The following STX8 variants were observed in gnomAD, a reference collection of about 807,000 sequenced individuals.
STX8 encodes the protein syntaxin-8.
A neutral mutation model predicts 37.5 loss-of-function variants in STX8; 23 were observed. That is an observed-to-expected ratio of 0.61 (90% CI 0.44 to 0.87). STX8 has a LOEUF of 0.87. STX8 is among the 40% of genes least tolerant of loss of function. STX8 has a pLI of 0.00. For missense variants in STX8, 313 were observed against 284.7 expected, an observed-to-expected ratio of 1.10 and a Z score of -0.71; for synonymous variants, 115 against 99.1, an observed-to-expected ratio of 1.16 and a Z score of -0.95.
chr17:9,560,924 A>C (rs1907209156), intron 2 of STX8, among the ~76,000 whole-genome samples: 2 of 152,200 alleles, frequency 1.3e-5, no homozygotes, highest in Admixed American at 6.5e-5. Context: ...AGTGCAACAT[A>C]ACAAATGGCC....
chr17:9,412,437 A>G (rs1283205835), intron 6 of STX8, among the ~76,000 whole-genome samples: 6 of 152,010 alleles, frequency 3.9e-5, no homozygotes, highest in African/African-American at 1.4e-4. Context: ...GCACCACCAC[A>G]CCCAGCTAAT....
chr17:9,309,675 T>G (rs778947040), intron 7 of STX8, among the ~76,000 whole-genome samples: 4 of 152,160 alleles, frequency 2.6e-5, no homozygotes, highest in Non-Finnish European at 5.9e-5. Flanking sequence ...TTTTAAACAG[T>G]GAGTTCTGTA....
At chr17:9,475,921 C>T (rs1457448568) in intron 6 of STX8, among the ~76,000 whole-genome samples, 3 of 152,236 alleles carry the variant, frequency 2.0e-5, no homozygotes, top group African/African-American at 7.2e-5. Context: ...TGGCTCACGC[C>T]TGTCATCCCA....
Position 9,271,765 on chromosome 17 carries a change from A to AG in STX8, c.644-21121_644-21120insC, listed in dbSNP as rs1488705768. On this transcript the variant is annotated intron_variant, in intron 7 of 7. Transcript: ENST00000306357. Reference sequence around the variant, plus strand: ...CTCCATCTCAAAAAAAAAAAAAAAAAAAAGAAAGAAAGAAATTCAACTTCA... The same window carrying AG: ...CTCCATCTCAAAAAAAAAAAAAAAAAGAAAGAAAGAAAGAAATTCAACTTCA... Among the ~76,000 whole-genome samples the AG allele has an allele frequency of 3.4e-3, 518 of 151,084 alleles. 4 individuals carry two copies. Among genetic ancestry groups the AG allele is most frequent in the African/African-American group, 0.012 (476 of 41,138 alleles).
intron 7 of STX8, among the ~76,000 whole-genome samples, chr17:9,276,439 T>C (rs1321387092): frequency 2.6e-5 from 4 of 152,160 alleles, no homozygotes; most frequent in African/African-American, 9.7e-5. Context: ...GTATGTGCTT[T>C]AAACGAGGGA....
At chr17:9,296,946 A>C (rs1274536646) in intron 7 of STX8, among the ~76,000 whole-genome samples, 2 of 152,200 alleles carry the variant, frequency 1.3e-5, no homozygotes. Context: ...ACTCAAGTAT[A>C]ATACATATAC....
chr17:9,315,318 T>C (rs576113495), intron 7 of STX8, among the ~76,000 whole-genome samples: 1 of 152,074 alleles, frequency 6.6e-6, no homozygotes, highest in Non-Finnish European at 1.5e-5. Flanking sequence ...AGCAGCCCTT[T>C]TGAGACTTGC....
At chr17:9,354,620 C>T (rs1910818160) in intron 7 of STX8, among the ~76,000 whole-genome samples, 1 of 149,778 alleles carries the variant, frequency 6.7e-6, no homozygotes, top group South Asian at 2.1e-4. Flanking sequence ...GTGCCCGGCC[C>T]ATATTTACTC....
rs1199002351 is a variant in STX8 at position 9,418,922 on chromosome 17, C to CT, written c.542-40270dup. On this transcript the variant is annotated intron_variant, in intron 6 of 7. Coordinates refer to ENST00000306357, the MANE Select transcript of STX8 (RefSeq NM_004853.3). ...CCCACACCCCCCCCTCTTTTTTTTT[C>CT]TTTTTTTTTTTTTTTTAAAGAGATG... is the stretch of plus-strand genomic sequence containing the variant. 4.8e-3 allele frequency among the ~76,000 whole-genome samples: 528 copies of CT among 110,654 alleles called. 1 individual carries two copies. The highest frequency in any genetic ancestry group is 0.013 in the East Asian group (42 of 3,300). The allele number at this position is 110,654 out of a possible 152,430, so 72.6% of individuals were successfully genotyped here. A position where few individuals can be genotyped will look rare whatever the true frequency, so the allele number is the denominator to read the frequency against.
intron 3 of STX8, chr17:9,555,534 T>C (rs1024692832): frequency 1.3e-5 from 2 of 152,332 alleles, no homozygotes; most frequent in South Asian, 2.1e-4. Context: ...CACCTTGCCA[T>C]GTGTAGACTT....
chr17:9,497,348 A>C (rs1904444558), intron 5 of STX8, among the ~76,000 whole-genome samples: 1 of 152,256 alleles, frequency 6.6e-6, no homozygotes, highest in African/African-American at 2.4e-5. Flanking sequence ...TAACTTCTTA[A>C]GGATGATAAT....
rs189660998 is a variant in STX8 at position 9,254,860 on chromosome 17, T to G, written c.644-4215A>C. ...ACACGCGCACGTGTGTGCATGTGTG[T>G]GTGTGTGTATAAAACAAATGAGTAA... On this transcript the variant is annotated intron_variant, in intron 7 of 7. Coordinates refer to ENST00000306357, the MANE Select transcript of STX8 (RefSeq NM_004853.3). 1.7e-3 allele frequency among the ~76,000 whole-genome samples: 261 copies of G among 152,206 alleles called. 4 individuals carry two copies. The highest frequency in any genetic ancestry group is 0.016 in the Admixed American group (243 of 15,292).
chr17:9,510,002 G>A (rs1316750860), intron 4 of STX8, among the ~76,000 whole-genome samples: 1 of 152,072 alleles, frequency 6.6e-6, no homozygotes, highest in Non-Finnish European at 1.5e-5. Flanking sequence ...AGACAAAACA[G>A]ACTTCAAGTC....
chr17:9,361,992 G>A (rs1022021799), intron 7 of STX8, among the ~76,000 whole-genome samples: 36 of 152,268 alleles, frequency 2.4e-4, no homozygotes, highest in African/African-American at 8.7e-4. Context: ...ATCAATTTTA[G>A]GGAACTTATT....
At chr17:9,269,059 C>A (rs560384492) in intron 7 of STX8, among the ~76,000 whole-genome samples, 1 of 151,870 alleles carries the variant, frequency 6.6e-6, no homozygotes, top group African/African-American at 2.4e-5. Flanking sequence ...TGGTGGCGGG[C>A]GCCTGTAGTC....
intron 6 of STX8, among the ~76,000 whole-genome samples, chr17:9,463,691 T>C (rs1003433191): frequency 1.3e-5 from 2 of 152,182 alleles, no homozygotes; most frequent in Non-Finnish European, 2.9e-5. Context: ...GCGGATCACC[T>C]GAGGTTGGGA....
chr17:9,270,436 A>G (rs1358121351), intron 7 of STX8, among the ~76,000 whole-genome samples: 1 of 151,176 alleles, frequency 6.6e-6, no homozygotes. Flanking sequence ...TGTATTTTTT[A>G]GTAGAGACAG....
chr17:9,441,680 T>C (rs1290143646), intron 6 of STX8, among the ~76,000 whole-genome samples: 1 of 128,546 alleles, frequency 7.8e-6, no homozygotes, highest in African/African-American at 3.6e-5. Context: ...GGCTTTTTTT[T>C]TTTTTTTTTT....
At chr17:9,448,369 C>A (rs966512553) in intron 6 of STX8, among the ~76,000 whole-genome samples, 3 of 152,172 alleles carry the variant, frequency 2.0e-5, no homozygotes, top group Non-Finnish European at 4.4e-5. Context: ...AGCAAGGCAA[C>A]GCCCTGCCTT....
Sources: gnomAD v4.1 joint callset for allele counts (sites outside exome capture counted in the v4.1 genomes callset) on GRCh38, gnomAD v4.1.1 for gene constraint, MANE v1.5 for transcripts, NCBI Gene and HGNC (gene_info 2026-07-23, HGNC 2026-07-21) for gene names.